ST3GAL6: variants seen among roughly 807,000 people sequenced by gnomAD.
ST3GAL6 encodes ST3 beta-galactoside alpha-2,3-sialyltransferase 6.
ST3GAL6 carries 31 observed loss-of-function variants against 40.5 expected under a neutral mutation model. The observed-to-expected ratio is 0.77, with a 90% CI of 0.58 to 1.03. ST3GAL6 has a LOEUF of 1.03. ST3GAL6 is among the 50% of genes least tolerant of loss of function. ST3GAL6 has a pLI of 0.00. For synonymous variants in ST3GAL6, 129 were observed against 136.9 expected (o/e 0.94, Z 0.40); for missense variants, 357 against 393.2 (o/e 0.91, Z 0.78).
At chr3:98,784,693 A>G in intron 5 of ST3GAL6, 2 of 359,366 alleles carry the variant, frequency 5.6e-6, no homozygotes, top group Non-Finnish European at 1.0e-5. Flanking sequence ...ATAGGTGGGT[A>G]TGAGAATCAA....
intron 1 of ST3GAL6, among the ~76,000 whole-genome samples, chr3:98,764,025 T>C (rs535097887): frequency 1.3e-5 from 2 of 152,238 alleles, no homozygotes; most frequent in Admixed American, 6.5e-5. Flanking sequence ...GCTTCCAGAC[T>C]GAAACAGAAC....
chr3:98,742,235 G>T (rs1316267690), intron 1 of ST3GAL6, among the ~76,000 whole-genome samples: 2 of 152,104 alleles, frequency 1.3e-5, no homozygotes, highest in African/African-American at 4.8e-5. Context: ...TGCAATACCT[G>T]ATGTTAATAT....
intron 1 of ST3GAL6, among the ~76,000 whole-genome samples, chr3:98,747,026 G>T (rs903937213): frequency 6.6e-6 from 1 of 152,184 alleles, no homozygotes; most frequent in East Asian, 1.9e-4. Context: ...ATCAGACATT[G>T]TCTATGGTAT....
intron 8 of ST3GAL6, among the ~76,000 whole-genome samples, chr3:98,789,468 G>C (rs1018635448): frequency 1.3e-5 from 2 of 152,038 alleles, no homozygotes; most frequent in Admixed American, 1.3e-4. Flanking sequence ...GTATAATTAT[G>C]ATTATACCAT....
At chr3:98,772,955 A>G in intron 4 of ST3GAL6, 39 bp downstream of exon 4, 1 of 1,349,518 alleles carries the variant, frequency 7.4e-7, no homozygotes, top group Non-Finnish European at 1.1e-6. Context: ...GTTAAATTTG[A>G]GTGGTGTTTG....
upstream of ST3GAL6, among the ~76,000 whole-genome samples, chr3:98,760,579 A>C (rs1239854090): frequency 1.3e-5 from 2 of 152,216 alleles, no homozygotes; most frequent in African/African-American, 4.8e-5. Context: ...TGTATTATTC[A>C]ATAGCAGTAA....
intron 1 of ST3GAL6, among the ~76,000 whole-genome samples, chr3:98,744,084 C>T (rs1037586964): frequency 1.3e-5 from 2 of 152,144 alleles, no homozygotes; most frequent in Non-Finnish European, 2.9e-5. Context: ...GAAAACACCA[C>T]GTGAAGACAG....
chr3:98,741,828 A>G (rs1936116335), intron 1 of ST3GAL6, among the ~76,000 whole-genome samples: 1 of 152,212 alleles, frequency 6.6e-6, no homozygotes, highest in Non-Finnish European at 1.5e-5. Flanking sequence ...AAGTTAATAT[A>G]TAATTGATAT....
intron 6 of ST3GAL6, 45 bp from the exon 7 acceptor site, chr3:98,787,991 A>G: frequency 6.5e-7 from 1 of 1,547,434 alleles, no homozygotes; most frequent in East Asian, 2.3e-5. Context: ...GGAATGGCAG[A>G]TACTGCACTT....
At chr3:98,793,376 T>C (rs1941369463) in intron 9 of ST3GAL6, among the ~76,000 whole-genome samples, 1 of 152,206 alleles carries the variant, frequency 6.6e-6, no homozygotes, top group South Asian at 2.1e-4. Context: ...AGTGAACAAC[T>C]CAAAATTTTG....
rs1941416720 is a variant in ST3GAL6 at position 98,794,019 on chromosome 3, C to T, written c.*258C>T. ...AAGCTAGTTTTCTGAGGTGTTTTCA[C>T]ACGTCTTTTTATAGTTACTTCATCT... On this transcript the variant is annotated 3_prime_UTR_variant, in exon 10 of 10. Coordinates refer to ENST00000483910, the MANE Select transcript of ST3GAL6 (RefSeq NM_001323368.2). 1 of 262,436 alleles carries T rather than the reference C, an allele frequency of 3.8e-6. No individual in the cohort carries two copies. The highest frequency in any genetic ancestry group is 1.1e-4 in the South Asian group (1 of 8,856). The allele number at this position is 262,436 out of a possible 1,614,324, so 16.3% of individuals were successfully genotyped here.
At chr3:98,740,039 C>T (rs80291356) in intron 1 of ST3GAL6, among the ~76,000 whole-genome samples, 7 of 152,164 alleles carry the variant, frequency 4.6e-5, no homozygotes, top group Non-Finnish European at 1.0e-4. Flanking sequence ...AGGTAGATGT[C>T]GAAGTGATTT....
intron 1 of ST3GAL6, among the ~76,000 whole-genome samples, chr3:98,755,810 A>AATT (rs386356145): frequency 4.6e-5 from 2 of 43,782 alleles, no homozygotes; most frequent in African/African-American, 8.6e-5. Flanking sequence ...GATTTTTTTC[A>AATT]TTTTTTTTTT....
At chr3:98,782,343 C>T (rs948748495) in intron 5 of ST3GAL6, 5 of 700,046 alleles carry the variant, frequency 7.1e-6, no homozygotes, top group African/African-American at 7.0e-5. Context: ...GTAATTACAG[C>T]CATTGATAGG....
At chr3:98,749,783 AGGGCT>A in intron 1 of ST3GAL6, among the ~76,000 whole-genome samples, 1 of 152,366 alleles carries the variant, frequency 6.6e-6, no homozygotes, top group Middle Eastern at 3.4e-3. Context: ...AGTGTAAGGA[AGGGCT>A]GTGTATTCAG....
intron 9 of ST3GAL6, among the ~76,000 whole-genome samples, chr3:98,792,401 G>A (rs1941278930): frequency 6.6e-6 from 1 of 152,076 alleles, no homozygotes; most frequent in Admixed American, 6.6e-5. Context: ...CCCTACAAGA[G>A]AATCTTCATG....
chr3:98,773,924 A>G lies in ST3GAL6; in HGVS notation c.276A>G (p.Glu92=). 1 of 1,612,902 alleles carries G rather than the reference A, an allele frequency of 6.2e-7. No individual in the cohort carries two copies. The highest frequency in any genetic ancestry group is 1.3e-5 in the African/African-American group (1 of 75,036). The change falls in exon 5 of 10, where the codon GAA becomes GAG. Residue 92 remains glutamate, a synonymous_variant. Coordinates refer to ENST00000483910, the MANE Select transcript of ST3GAL6 (RefSeq NM_001323368.2). ...AACACTCCATTTGTTTTCTAGCGGAATATTTTCGACTTGCTCTTTCAAAAC... is the reference window on the plus strand; with the variant it reads ...AACACTCCATTTGTTTTCTAGCGGAGTATTTTCGACTTGCTCTTTCAAAAC... ...DLPYGMRTSA[E]YFRLALSKLQ...
chr3:98,740,150 T>C (rs1251540056), intron 1 of ST3GAL6, among the ~76,000 whole-genome samples: 2 of 151,864 alleles, frequency 1.3e-5, no homozygotes, highest in African/African-American at 4.8e-5. Flanking sequence ...TGTTTTCTGA[T>C]CACCAAGTAA....
chr3:98,736,598 A>G (rs1050314719), intron 1 of ST3GAL6, among the ~76,000 whole-genome samples: 3 of 152,136 alleles, frequency 2.0e-5, no homozygotes, highest in African/African-American at 7.2e-5. Context: ...TGTTTTTTTC[A>G]GTGGACTTTG....
Sources: allele counts gnomAD v4.1 joint callset (sites outside exome capture counted in the v4.1 genomes callset), GRCh38; gene constraint gnomAD v4.1.1; transcripts MANE v1.5; gene names NCBI Gene and HGNC (gene_info 2026-07-23, HGNC 2026-07-21).